CFAP91: variants seen among roughly 807,000 people sequenced by gnomAD.
CFAP91 encodes the protein cilia- and flagella-associated protein 91.
CFAP91 carries 85 observed loss-of-function variants against 95.9 expected under a neutral mutation model. That is an observed-to-expected ratio of 0.89 (90% CI 0.74 to 1.06). CFAP91 has a LOEUF of 1.06. Ranked by LOEUF, CFAP91 falls within the 50% of genes least tolerant of loss-of-function variation. The pLI is 0.00. For missense variants in CFAP91, 962 were observed against 943.4 expected, an observed-to-expected ratio of 1.02 and a Z score of -0.26; for synonymous variants, 335 against 327.5, an observed-to-expected ratio of 1.02 and a Z score of -0.25.
At chr3:119,745,219 G>A (rs1485482033) in intron 14 of CFAP91, among the ~76,000 whole-genome samples, 1 of 152,136 alleles carries the variant, frequency 6.6e-6, no homozygotes, top group Non-Finnish European at 1.5e-5. Flanking sequence ...TTAAAATATA[G>A]TGACTATTTT....
chr3:119,732,277 G>T lies in CFAP91; in HGVS notation c.1019-17G>T. 6.3e-7 allele frequency: 1 copy of T among 1,577,788 alleles called. No homozygotes were observed. Among genetic ancestry groups the T allele is most frequent in the South Asian group, 1.1e-5 (1 of 87,530 alleles). On this transcript the variant is annotated splice_polypyrimidine_tract_variant and intron_variant, in intron 8 of 17. Transcript: ENST00000273390. Reference sequence around the variant, plus strand: ...ACAATATTTTAGAGATAGTCATGGAGGTATGTTTTATTTCAGCAATCAGAA... The same window carrying T: ...ACAATATTTTAGAGATAGTCATGGATGTATGTTTTATTTCAGCAATCAGAA...
intron 5 of CFAP91, among the ~76,000 whole-genome samples, chr3:119,712,273 A>G (rs924980872): frequency 5.9e-5 from 9 of 152,240 alleles, no homozygotes; most frequent in Admixed American, 3.3e-4. Flanking sequence ...GAAACCATGT[A>G]TTAAGTTACT....
chr3:119,718,999 A>G (rs1054978828), intron 6 of CFAP91, among the ~76,000 whole-genome samples: 4 of 152,212 alleles, frequency 2.6e-5, no homozygotes, highest in Non-Finnish European at 5.9e-5. Flanking sequence ...TCACAGCAGC[A>G]TTAATTATGA....
intron 17 of CFAP91, among the ~76,000 whole-genome samples, chr3:119,752,707 T>C (rs1198530941): frequency 4.6e-5 from 7 of 152,308 alleles, no homozygotes; most frequent in Non-Finnish European, 4.4e-5. Context: ...ACCTACTCTA[T>C]GACATCCATA....
chr3:119,741,876 G>C (rs116840513), intron 13 of CFAP91, among the ~76,000 whole-genome samples: 2 of 152,142 alleles, frequency 1.3e-5, no homozygotes, highest in Admixed American at 6.5e-5. Context: ...GGAACTTTTG[G>C]GGGGTGAGGC....
At chr3:119,760,287 A>C (rs1191866644) in intron 17 of CFAP91, among the ~76,000 whole-genome samples, 1 of 151,906 alleles carries the variant, frequency 6.6e-6, no homozygotes, top group East Asian at 1.9e-4. Context: ...AAATGAGACC[A>C]AAAAGGTCAT....
chr3:119,735,622 C>G (rs2107892278), intron 10 of CFAP91, among the ~76,000 whole-genome samples: 1 of 152,270 alleles, frequency 6.6e-6, no homozygotes, highest in East Asian at 1.9e-4. Flanking sequence ...TTTGAAATTT[C>G]ATGAGGCTTG....
Position 119,744,134 on chromosome 3 carries a change from G to T in CFAP91, c.1840G>T (p.Glu614Ter). 6.2e-7 allele frequency: 1 copy of T among 1,614,054 alleles called. No individual in the cohort carries two copies. The highest frequency in any genetic ancestry group is 8.5e-7 in the Non-Finnish European group (1 of 1,179,980). Residue 614 changes from glutamate to a stop codon, truncating the protein, a stop_gained, in exon 14 of 18, where the codon GAG becomes TAG. Transcript: ENST00000273390. LOFTEE classifies it high-confidence loss of function. The part of the protein sequence containing the change: ...ERQRRVREAE[E>*]SGRRQVEKQR... ...CCAGCGGCGGGTACGAGAGGCTGAAGAGAGTGGTCGGCGCCAGGTGGAAAA... is the reference window on the plus strand; with the variant it reads ...CCAGCGGCGGGTACGAGAGGCTGAATAGAGTGGTCGGCGCCAGGTGGAAAA...
rs1577235460 is a variant in CFAP91 at position 119,744,050 on chromosome 3, G to C, written c.1756G>C (p.Glu586Gln). ...LADMFDFLSK[E>Q]LVRLQEERRI... ...AGACATGTTTGACTTCCTGTCCAAA[G>C]AGCTGGTGAGACTGCAGGAGGAGAG... Residue 586 changes from glutamate (E) to glutamine (Q), a missense_variant, in exon 14 of 18, where the codon GAG becomes CAG. Physicochemically the swap from Glu to Gln is conservative, Grantham distance 29. Coordinates refer to ENST00000273390, the MANE Select transcript of CFAP91 (RefSeq NM_033364.4). The C allele has an allele frequency of 6.2e-7, 1 of 1,614,206 alleles. No homozygotes were observed. The highest frequency in any genetic ancestry group is 1.1e-5 in the South Asian group (1 of 91,076).
intron 7 of CFAP91, among the ~76,000 whole-genome samples, chr3:119,728,133 G>A (rs2053822263): frequency 6.6e-6 from 1 of 152,196 alleles, no homozygotes; most frequent in South Asian, 2.1e-4. Flanking sequence ...TGATAATGAT[G>A]ATGACGAGTG....
At position 119,732,411 on chromosome 3, in the gene CFAP91, G is replaced by A. The variant is rs757440969; in HGVS notation, c.1136G>A (p.Gly379Glu). ...SQVYGPLSRL[G>E]CFPDNNSEDF... Reference sequence around the variant, plus strand: ...GTCTATGGACCTCTGTCTCGTCTTGGGTGTTTCCCAGACAACAACTCAGAG... The same window carrying A: ...GTCTATGGACCTCTGTCTCGTCTTGAGTGTTTCCCAGACAACAACTCAGAG... The change falls in exon 9 of 18, where the codon GGG becomes GAG. Residue 379 changes from glycine to glutamate, a missense_variant. Transcript: ENST00000273390. 4 of 1,612,462 alleles carry A rather than the reference G, an allele frequency of 2.5e-6. No individual in the cohort carries two copies. Among genetic ancestry groups the A allele is most frequent in the Non-Finnish European group, 3.4e-6 (4 of 1,179,406 alleles).
At chr3:119,720,259 C>T (rs10049386) in intron 6 of CFAP91, among the ~76,000 whole-genome samples, 139,012 of 149,748 alleles carry the variant, frequency 0.93, 65,398 homozygotes, top group East Asian at 1. Context: ...TAGCTGGGCG[C>T]GGTGGCGGGC....
In CFAP91 at chr3:119,710,127, T is replaced by A; in HGVS notation, c.500+232T>A. ...GGGTAAGTTGGTTTTTGTTTATAACTTTTGTTTCAGAAAAATATATGCATA... is the reference window on the plus strand; with the variant it reads ...GGGTAAGTTGGTTTTTGTTTATAACATTTGTTTCAGAAAAATATATGCATA... On this transcript the variant is annotated intron_variant, in intron 5 of 17. Transcript: ENST00000273390. The A allele has an allele frequency of 4.0e-6, 2 of 496,830 alleles. 1 individual carries two copies. The highest frequency in any genetic ancestry group is 5.9e-5 in the South Asian group (2 of 34,050). The allele number at this position is 496,830 out of a possible 1,614,324, so 30.8% of individuals were successfully genotyped here. A position where few individuals can be genotyped will look rare whatever the true frequency, so the allele number is the denominator to read the frequency against.
chr3:119,750,434 C>T (rs115249157), intron 16 of CFAP91: 326 of 161,438 alleles, frequency 2.0e-3, no homozygotes, highest in African/African-American at 7.4e-3. Flanking sequence ...GGACTATGTT[C>T]TAAAGCCATG....
At chr3:119,709,948 C>CAT (rs772189935) in intron 5 of CFAP91, 53 bp downstream of exon 5, 2 of 1,368,340 alleles carry the variant, frequency 1.5e-6, no homozygotes, top group South Asian at 2.4e-5. Flanking sequence ...TGTTTGCTTC[C>CAT]ATATTTTTTC....
chr3:119,751,233 C>T (rs62264662), intron 17 of CFAP91, 135 bp downstream of exon 17: 4 of 947,954 alleles, frequency 4.2e-6, no homozygotes, highest in Non-Finnish European at 6.1e-6. Context: ...CTTAAATTGG[C>T]ACATTTCCTC....
intron 5 of CFAP91, among the ~76,000 whole-genome samples, chr3:119,710,789 T>C (rs2053458313): frequency 1.3e-5 from 2 of 152,138 alleles, no homozygotes; most frequent in African/African-American, 4.8e-5. Flanking sequence ...TAAAACATGG[T>C]TTCTGCCCCA....
chr3:119,708,681 C>T lies in CFAP91; in HGVS notation c.443+7C>T. 1 of 1,445,986 alleles carries T rather than the reference C, an allele frequency of 6.9e-7. No homozygotes were observed. The highest frequency in any genetic ancestry group is 2.3e-5 in the East Asian group (1 of 43,838). The allele number at this position is 1,445,986 out of a possible 1,614,324, so 89.6% of individuals were successfully genotyped here. ...GCTATAAATACTTTGAAAGGTAGAA[C>T]ATAATTACTAATGAATATTTGAGCC... On this transcript the variant is annotated splice_region_variant and intron_variant, in intron 4 of 17. Coordinates refer to ENST00000273390, the MANE Select transcript of CFAP91 (RefSeq NM_033364.4).
intron 1 of CFAP91, among the ~76,000 whole-genome samples, chr3:119,704,328 A>G (rs185271571): frequency 6.6e-6 from 1 of 152,218 alleles, no homozygotes; most frequent in Admixed American, 6.5e-5. Context: ...ATTCACTCAG[A>G]GTAGATCAAA....
Sources: allele counts gnomAD v4.1 joint callset (sites outside exome capture counted in the v4.1 genomes callset), GRCh38; gene constraint gnomAD v4.1.1; transcripts MANE v1.5; gene names NCBI Gene and HGNC (gene_info 2026-07-23, HGNC 2026-07-21).